CNTN4: variants seen among roughly 807,000 people sequenced by gnomAD.
CNTN4 encodes contactin 4.
In CNTN4, 77 loss-of-function variants were observed where a neutral mutation model predicts 122.5. That is an observed-to-expected ratio of 0.63 (90% CI 0.52 to 0.76). The LOEUF (loss-of-function observed/expected upper bound fraction) is 0.76. Among genes scored for constraint, CNTN4 ranks in the 30% least tolerant of loss-of-function variants. The pLI, the probability that CNTN4 is intolerant of heterozygous loss-of-function variation, is 0.00. For missense variants in CNTN4, 1,256 were observed against 1,259.1 expected (o/e 1.00, Z 0.04); for synonymous variants, 512 against 447.0 (o/e 1.15, Z -1.83).
At chr3:2,916,251 G>A (rs2094352700) in intron 12 of CNTN4, among the ~76,000 whole-genome samples, 3 of 151,468 alleles carry the variant, frequency 2.0e-5, no homozygotes, top group South Asian at 2.1e-4. Flanking sequence ...TTCTCCGAGA[G>A]GGGGATTTGG....
chr3:2,659,234 G>C (rs574677661), intron 4 of CNTN4, among the ~76,000 whole-genome samples: 1 of 151,906 alleles, frequency 6.6e-6, no homozygotes, highest in Non-Finnish European at 1.5e-5. Flanking sequence ...AGGCCAAGGC[G>C]AGCAGATCAC....
chr3:2,803,879 C>T (rs573232901), intron 6 of CNTN4, among the ~76,000 whole-genome samples: 3 of 151,942 alleles, frequency 2.0e-5, no homozygotes, highest in East Asian at 1.9e-4. Flanking sequence ...TATGAAGAAC[C>T]GTTACCACAC....
At chr3:2,167,760 C>T (rs1406924524) in intron 2 of CNTN4, among the ~76,000 whole-genome samples, 2 of 152,128 alleles carry the variant, frequency 1.3e-5, no homozygotes, top group Non-Finnish European at 2.9e-5. Context: ...TCTTTGTTTT[C>T]ACCCTGGCCC....
At chr3:2,713,358 T>C (rs2087271368) in intron 4 of CNTN4, among the ~76,000 whole-genome samples, 1 of 152,158 alleles carries the variant, frequency 6.6e-6, no homozygotes, top group Non-Finnish European at 1.5e-5. Context: ...ATTGTTTCAG[T>C]TTTTTCTAAA....
At position 2,213,356 on chromosome 3, in the gene CNTN4, G is replaced by A. The variant is rs576161154; in HGVS notation, c.-145+112717G>A. 2.0e-5 allele frequency among the ~76,000 whole-genome samples: 3 copies of A among 152,186 alleles called. No homozygotes were observed. The East Asian group carries it at 5.8e-4, about 29-fold the overall frequency. On this transcript the variant is annotated intron_variant, in intron 2 of 24. Transcript: ENST00000418658. ...CCTGGAGCCTTGTCATAGGCTTCAG[G>A]CTTCACTTGTTCCCTCTGAGCCATG...
chr3:2,256,921 A>G (rs527308785), intron 2 of CNTN4, among the ~76,000 whole-genome samples: 1 of 152,322 alleles, frequency 6.6e-6, no homozygotes, highest in African/African-American at 2.4e-5. Flanking sequence ...CTTTCTTCAC[A>G]TAAACAGAAA....
intron 6 of CNTN4, among the ~76,000 whole-genome samples, chr3:2,795,538 T>C (rs1268253549): frequency 7.2e-6 from 1 of 139,764 alleles, no homozygotes; most frequent in African/African-American, 2.7e-5. Flanking sequence ...TTTTTTTTTC[T>C]GAGATGGAGT....
intron 4 of CNTN4, among the ~76,000 whole-genome samples, chr3:2,667,865 T>G (rs558292863): frequency 1.3e-5 from 2 of 152,290 alleles, no homozygotes; most frequent in South Asian, 2.1e-4. Flanking sequence ...TGCCCATTTC[T>G]TGTTTTTATC....
intron 2 of CNTN4, among the ~76,000 whole-genome samples, chr3:2,267,128 C>T (rs1469957463): frequency 1.3e-5 from 2 of 152,058 alleles, no homozygotes; most frequent in Non-Finnish European, 2.9e-5. Flanking sequence ...AGATAGCATT[C>T]ACCTCCTTTC....
At chr3:2,657,207 A>T (rs1291489120) in intron 4 of CNTN4, among the ~76,000 whole-genome samples, 1 of 152,224 alleles carries the variant, frequency 6.6e-6, no homozygotes, top group African/African-American at 2.4e-5. Flanking sequence ...CATGTCAGAA[A>T]ACTAAATAAA....
At chr3:3,040,501 C>T (rs1342331233) in intron 20 of CNTN4, 1 of 562,772 alleles carries the variant, frequency 1.8e-6, no homozygotes, top group Non-Finnish European at 3.2e-6. Context: ...GATTCCATTG[C>T]TAAGGACCAG....
rs369507030 is a variant in CNTN4, at chr3:2,198,676, C to G, written c.-145+98037C>G. 3.9e-5 allele frequency among the ~76,000 whole-genome samples: 6 copies of G among 152,268 alleles called. No individual in the cohort carries two copies. The East Asian group carries it at 9.7e-4, about 25-fold the overall frequency. ...TTTCCTCCTCTCCCTTCCCCATCAT[C>G]AGGGACTTTCATAGAATATACTCGA... On this transcript the variant is annotated intron_variant, in intron 2 of 24. Transcript: ENST00000418658.
intron 2 of CNTN4, among the ~76,000 whole-genome samples, chr3:2,335,103 C>G (rs1240036165): frequency 6.6e-6 from 1 of 152,142 alleles, no homozygotes; most frequent in African/African-American, 2.4e-5. Flanking sequence ...TTTATGTTGA[C>G]AGCAGCTGAT....
chr3:2,771,664 T>C (rs1338454336), intron 6 of CNTN4, among the ~76,000 whole-genome samples: 1 of 152,006 alleles, frequency 6.6e-6, no homozygotes. Context: ...AAGAAGATAA[T>C]AGAAAAAGAT....
intron 3 of CNTN4, among the ~76,000 whole-genome samples, chr3:2,348,896 T>G (rs1478887090): frequency 2.0e-5 from 3 of 152,210 alleles, no homozygotes. Flanking sequence ...TTAAACTTTC[T>G]TGGGCTCAAG....
At chr3:2,894,175 C>A (rs2094078985) in intron 10 of CNTN4, among the ~76,000 whole-genome samples, 1 of 152,124 alleles carries the variant, frequency 6.6e-6, no homozygotes, top group Admixed American at 6.5e-5. Flanking sequence ...CTATATACTT[C>A]TGTATTCAGT....
chr3:2,972,637 A>C (rs1345203496), intron 13 of CNTN4, among the ~76,000 whole-genome samples: 1 of 152,134 alleles, frequency 6.6e-6, no homozygotes, highest in Non-Finnish European at 1.5e-5. Context: ...TTTTGAGTTT[A>C]ATAGTTATAC....
At chr3:2,335,501 CTAT>C (rs2043914013) in intron 2 of CNTN4, among the ~76,000 whole-genome samples, 1 of 151,406 alleles carries the variant, frequency 6.6e-6, no homozygotes, top group Non-Finnish European at 1.5e-5. Flanking sequence ...TAGGGAGAGA[CTAT>C]TAGCCAATCA....
chr3:2,402,398 A>T (rs1405612138), intron 3 of CNTN4, among the ~76,000 whole-genome samples: 1 of 151,980 alleles, frequency 6.6e-6, no homozygotes, highest in Non-Finnish European at 1.5e-5. Context: ...CTGATTTTTT[A>T]TTTTAGATTT....
Sources: gnomAD v4.1 joint callset for allele counts (sites outside exome capture counted in the v4.1 genomes callset) on GRCh38, gnomAD v4.1.1 for gene constraint, MANE v1.5 for transcripts, NCBI Gene and HGNC (gene_info 2026-07-23, HGNC 2026-07-21) for gene names.